The following ATXN1 variants were observed in gnomAD, a reference collection of about 807,000 sequenced individuals.
ATXN1 encodes the protein ataxin 1.
A neutral mutation model predicts 56.4 loss-of-function variants in ATXN1; 8 were observed. The observed-to-expected ratio is 0.14, with a 90% CI of 0.08 to 0.26. The LOEUF (loss-of-function observed/expected upper bound fraction) is 0.26, where lower values mean the gene tolerates loss of function less well. ATXN1 is among the 10% of genes least tolerant of loss of function. The pLI is 1.00. For missense variants in ATXN1, 987 were observed against 1,106.5 expected, an observed-to-expected ratio of 0.89 and a Z score of 1.53; for synonymous variants, 514 against 494.6, an observed-to-expected ratio of 1.04 and a Z score of -0.52.
Position 16,633,848 on chromosome 6 carries a change from T to A in ATXN1, c.-489+23928A>T, listed in dbSNP as rs372004037. On this transcript the variant is annotated intron_variant, in intron 3 of 7. Transcript: ENST00000436367. ...AGACAGTCCAAGGAAAAAGGACATT[T>A]ACGCTTGCACCTTATTTGCTTTGCA... 5.9e-5 allele frequency among the ~76,000 whole-genome samples: 9 copies of A among 152,350 alleles called. No homozygotes were observed. The East Asian group carries it at 1.2e-3, about 20-fold the overall frequency.
chr6:16,494,751 C>T (rs181187238), intron 5 of ATXN1, among the ~76,000 whole-genome samples: 329 of 152,326 alleles, frequency 2.2e-3, no homozygotes, highest in Non-Finnish European at 3.7e-3. Context: ...CTGTGCTGAG[C>T]AGCTGTAGAA....
intron 6 of ATXN1, among the ~76,000 whole-genome samples, chr6:16,416,131 A>G (rs1292027960): frequency 2.0e-5 from 3 of 151,068 alleles, no homozygotes; most frequent in Non-Finnish European, 4.4e-5. Context: ...TTCATCATCC[A>G]TTTTGCAGTC....
At chr6:16,693,742 A>C (rs547161938) in intron 2 of ATXN1, among the ~76,000 whole-genome samples, 2 of 152,312 alleles carry the variant, frequency 1.3e-5, no homozygotes, top group Non-Finnish European at 2.9e-5. Context: ...TGTTCAGCCT[A>C]GTTTATTATG....
chr6:16,616,700 G>T (rs1763220088), intron 3 of ATXN1, among the ~76,000 whole-genome samples: 1 of 144,140 alleles, frequency 6.9e-6, no homozygotes, highest in Non-Finnish European at 1.5e-5. Flanking sequence ...ATAATGGTCA[G>T]TTACTAGAAG....
chr6:16,399,051 T>G (rs745530750), intron 6 of ATXN1, among the ~76,000 whole-genome samples: 6 of 152,198 alleles, frequency 3.9e-5, no homozygotes, highest in Non-Finnish European at 5.9e-5. Flanking sequence ...CCTTCAGATG[T>G]TTTCTCAACA....
intron 6 of ATXN1, among the ~76,000 whole-genome samples, chr6:16,414,966 CTT>C (rs1227981683): frequency 2.0e-5 from 3 of 152,198 alleles, no homozygotes; most frequent in Non-Finnish European, 4.4e-5. Context: ...CAAAATGTCA[CTT>C]ATAATTAGCT....
At chr6:16,561,811 A>T (rs1361957812) in intron 4 of ATXN1, among the ~76,000 whole-genome samples, 2 of 152,116 alleles carry the variant, frequency 1.3e-5, no homozygotes, top group Non-Finnish European at 2.9e-5. Context: ...CAGAAAACCA[A>T]GGGAGCTTGA....
intron 2 of ATXN1, among the ~76,000 whole-genome samples, chr6:16,707,959 A>C (rs1427219260): frequency 6.6e-6 from 1 of 152,220 alleles, no homozygotes; most frequent in African/African-American, 2.4e-5. Context: ...GAAGCTAAAA[A>C]TCTTAATAAA....
Position 16,326,257 on chromosome 6 carries a change from GGGAAAGGCC to G in ATXN1, c.1917+128_1917+136del, listed in dbSNP as rs1760802291. On this transcript the variant is annotated intron_variant, in intron 7 of 7. Transcript: ENST00000436367. The surrounding 1 kb of genome is among the most constrained non-coding windows in gnomAD (Gnocchi z 6.6). ...CTTATTTTTTCTAGAGAACGCAGTT[GGGAAAGGCC>G]GAGTCTAAGGTCTAGGTGTACCCGA... 1.0e-5 allele frequency: 15 copies of G among 1,437,090 alleles called. No individual in the cohort carries two copies. The highest frequency in any genetic ancestry group is 1.8e-6 in the Non-Finnish European group (2 of 1,096,312). 89.0% of individuals were successfully genotyped at this position (1,437,090 alleles called of 1,614,324 possible). A position where few individuals can be genotyped will look rare whatever the true frequency, so the allele number is the denominator to read the frequency against.
chr6:16,409,942 G>C (rs566202737), intron 6 of ATXN1, among the ~76,000 whole-genome samples: 155 of 152,316 alleles, frequency 1.0e-3, no homozygotes, highest in Non-Finnish European at 1.8e-3. Context: ...GAACAGATTT[G>C]AGTTTGTCCA....
chr6:16,374,224 T>A (rs1215228216), intron 6 of ATXN1, among the ~76,000 whole-genome samples: 1 of 147,892 alleles, frequency 6.8e-6, no homozygotes, highest in Non-Finnish European at 1.5e-5. Context: ...CATAAAAAAA[T>A]TAGGGAACAA....
At chr6:16,334,602 A>G (rs1254862749) in intron 6 of ATXN1, among the ~76,000 whole-genome samples, 2 of 152,170 alleles carry the variant, frequency 1.3e-5, no homozygotes, top group Non-Finnish European at 2.9e-5. Flanking sequence ...CTGTGGTCCT[A>G]GCTACCCAGG....
At chr6:16,642,899 T>C (rs2113822457) in intron 3 of ATXN1, among the ~76,000 whole-genome samples, 1 of 152,332 alleles carries the variant, frequency 6.6e-6, no homozygotes, top group South Asian at 2.1e-4. Context: ...TTATATGCAC[T>C]GGAAAACCAA....
chr6:16,695,286 A>G (rs1211026425), intron 2 of ATXN1, among the ~76,000 whole-genome samples: 3 of 152,246 alleles, frequency 2.0e-5, no homozygotes, highest in Non-Finnish European at 4.4e-5. Context: ...AATCTGTTTC[A>G]TGAGAAACAA....
chr6:16,374,206 A>G (rs190672137), intron 6 of ATXN1, among the ~76,000 whole-genome samples: 82 of 152,286 alleles, frequency 5.4e-4, no homozygotes, highest in African/African-American at 1.9e-3. Context: ...GAAGAAATAA[A>G]GCCCACACAT....
At chr6:16,465,569 G>C in intron 6 of ATXN1, among the ~76,000 whole-genome samples, 1 of 152,190 alleles carries the variant, frequency 6.6e-6, no homozygotes, top group East Asian at 1.9e-4. Context: ...GAACTAGGAG[G>C]ATGCAATGAT....
At chr6:16,734,465 C>G (rs1326578549) in intron 2 of ATXN1, among the ~76,000 whole-genome samples, 1 of 152,168 alleles carries the variant, frequency 6.6e-6, no homozygotes, top group Non-Finnish European at 1.5e-5. Context: ...AGAAAACAAA[C>G]AGTGATCTGG....
chr6:16,703,325 CT>C (rs1759329570), intron 2 of ATXN1, among the ~76,000 whole-genome samples: 1 of 151,992 alleles, frequency 6.6e-6, no homozygotes, highest in South Asian at 2.1e-4. Flanking sequence ...ACCCCAGGGC[CT>C]GTTGTGGGGT....
At chr6:16,542,961 C>T (rs1484921132) in intron 4 of ATXN1, among the ~76,000 whole-genome samples, 3 of 151,834 alleles carry the variant, frequency 2.0e-5, no homozygotes, top group Admixed American at 6.6e-5. Flanking sequence ...TTTTGTACCA[C>T]GCTTGACTGT....
Sources: allele counts gnomAD v4.1 joint callset (sites outside exome capture counted in the v4.1 genomes callset), GRCh38; gene constraint gnomAD v4.1.1; non-coding constraint Gnocchi (gnomAD v3.1); transcripts MANE v1.5; gene names NCBI Gene and HGNC (gene_info 2026-07-23, HGNC 2026-07-21).